Variants in SLC16A2 observed in about 807,000 individuals in gnomAD.
SLC16A2 encodes the protein solute carrier family 16 member 2, also known as monocarboxylate transporter 8.
Under a neutral mutation model 27.2 loss-of-function variants are expected in SLC16A2, and 3 were observed. The ratio of observed to expected loss-of-function variants is 0.11; its 90% CI spans 0.05 to 0.28. The LOEUF is 0.28. Ranked by LOEUF, SLC16A2 falls within the 10% of genes least tolerant of loss-of-function variation. SLC16A2 has a pLI of 1.00. For missense variants in SLC16A2, 295 were observed against 458.5 expected (o/e 0.64, Z 3.26); for synonymous variants, 202 against 187.8 (o/e 1.08, Z -0.62).
intron 1 of SLC16A2, among the ~76,000 whole-genome samples, chrX:74,498,900 T>C (rs4892386): frequency 0.53 from 58,056 of 110,159 alleles, 13,404 homozygotes; most frequent in Non-Finnish European, 0.73. Flanking sequence ...GGTTTTTGCT[T>C]TTGGCTACTG....
chrX:74,447,630 T>A (rs941427337), intron 1 of SLC16A2, among the ~76,000 whole-genome samples: 21 of 108,453 alleles, frequency 1.9e-4, no homozygotes, highest in African/African-American at 7.1e-4. Context: ...AGCTATGAAC[T>A]CACCACTGCA....
intron 1 of SLC16A2, among the ~76,000 whole-genome samples, chrX:74,448,938 A>G (rs1248768981): frequency 9.0e-6 from 1 of 111,271 alleles, no homozygotes; most frequent in Non-Finnish European, 1.9e-5. Flanking sequence ...TTGTTCCTTC[A>G]TGCCCGCATC....
chrX:74,460,886 C>T (rs927996058), intron 1 of SLC16A2, among the ~76,000 whole-genome samples: 2 of 111,139 alleles, frequency 1.8e-5, no homozygotes, highest in Admixed American at 1.9e-4. Context: ...CTCCTGACCT[C>T]GTGATCCACC....
chrX:74,422,615 T>C (rs896456873), intron 1 of SLC16A2, among the ~76,000 whole-genome samples: 1 of 111,183 alleles, frequency 9.0e-6, no homozygotes, highest in Non-Finnish European at 1.9e-5. Flanking sequence ...GTCAAACACA[T>C]GGCAGGCGTG....
intron 1 of SLC16A2, among the ~76,000 whole-genome samples, chrX:74,435,478 G>A (rs1305272666): frequency 4.6e-5 from 2 of 43,226 alleles, no homozygotes; most frequent in Non-Finnish European, 1.2e-4. Context: ...CTGGACAAAA[G>A]AGCAAGATCC....
At chrX:74,493,794 T>C (rs764261543) in intron 1 of SLC16A2, among the ~76,000 whole-genome samples, 10 of 111,495 alleles carry the variant, frequency 9.0e-5, no homozygotes, top group East Asian at 2.9e-4. Flanking sequence ...ATTCCCTCTC[T>C]GTCTCTCTGG....
intron 1 of SLC16A2, among the ~76,000 whole-genome samples, chrX:74,444,857 G>A (rs921975337): frequency 8.9e-6 from 1 of 111,856 alleles, no homozygotes; most frequent in Non-Finnish European, 1.9e-5. Context: ...TCCACTGTTT[G>A]CTGTAAAGAC....
At chrX:74,432,060 G>A (rs1484744877) in intron 1 of SLC16A2, among the ~76,000 whole-genome samples, 1 of 111,674 alleles carries the variant, frequency 9.0e-6, no homozygotes, top group African/African-American at 3.3e-5. Context: ...AGCAAGGCAT[G>A]TTGAAATATT....
intron 1 of SLC16A2, among the ~76,000 whole-genome samples, chrX:74,443,408 C>T (rs1460701312): frequency 2.7e-5 from 3 of 111,770 alleles, no homozygotes; most frequent in Non-Finnish European, 3.8e-5. Flanking sequence ...CGAGCAGCCT[C>T]GGGTCCCTTG....
chrX:74,473,087 G>A, intron 1 of SLC16A2: 1 of 542,548 alleles, frequency 1.8e-6, no homozygotes, highest in Non-Finnish European at 3.3e-6. Flanking sequence ...TTTGTGGTTT[G>A]GCAAAGAATT....
chrX:74,456,284 G>T (rs1929040196), intron 1 of SLC16A2, among the ~76,000 whole-genome samples: 1 of 111,558 alleles, frequency 9.0e-6, no homozygotes, highest in African/African-American at 3.3e-5. Context: ...AGTCCAGTGT[G>T]TGGGCCAAGA....
At chrX:74,445,490 C>T (rs889309579) in intron 1 of SLC16A2, among the ~76,000 whole-genome samples, 2 of 108,099 alleles carry the variant, frequency 1.9e-5, no homozygotes, top group African/African-American at 3.4e-5. Flanking sequence ...AGAACGATGT[C>T]TCATGTCTGT....
chrX:74,451,088 AAACTT>A (rs1214821098), intron 1 of SLC16A2, among the ~76,000 whole-genome samples: 3 of 111,860 alleles, frequency 2.7e-5, no homozygotes, highest in Non-Finnish European at 5.6e-5. Context: ...CTTTTTAAAA[AAACTT>A]AAAATGACAT....
intron 1 of SLC16A2, among the ~76,000 whole-genome samples, chrX:74,493,494 C>T (rs1381728423): frequency 8.9e-5 from 10 of 112,102 alleles, no homozygotes; most frequent in African/African-American, 3.2e-4. Flanking sequence ...GGCCACTGTG[C>T]AGTGCCAGAG....
intron 1 of SLC16A2, among the ~76,000 whole-genome samples, chrX:74,433,232 C>T (rs1031255141): frequency 1.0e-4 from 11 of 110,338 alleles, no homozygotes; most frequent in African/African-American, 3.0e-4. Context: ...ATTAGCTGGG[C>T]GCAGTGGTGT....
In SLC16A2 at chrX:74,520,933, C is replaced by A. The variant is rs1930395932; in HGVS notation, c.431-57C>A. 5.2e-6 allele frequency: 6 copies of A among 1,164,638 alleles called. No homozygotes were observed. In the Admixed American group the frequency reaches 1.1e-4, roughly 21 times the overall value. On this transcript the variant is annotated intron_variant, in intron 1 of 5. Coordinates refer to ENST00000587091, the MANE Select transcript of SLC16A2 (RefSeq NM_006517.5). ...CAGAGAAGAAGAGCTGAGATACCAG[C>A]AGTACCACCAGGCACTACACTAAGC...
intron 1 of SLC16A2, chrX:74,476,909 T>A (rs1441601988): frequency 2.7e-5 from 3 of 112,089 alleles, no homozygotes; most frequent in Non-Finnish European, 5.6e-5. Context: ...TTTGCATCGA[T>A]GTTCATCAAG....
intron 1 of SLC16A2, among the ~76,000 whole-genome samples, chrX:74,422,847 C>T (rs1049318875): frequency 8.9e-6 from 1 of 112,724 alleles, no homozygotes; most frequent in African/African-American, 3.2e-5. Flanking sequence ...CTGGGCCCTG[C>T]TGCTCACTCC....
At chrX:74,493,634 G>A (rs1309093485) in intron 1 of SLC16A2, among the ~76,000 whole-genome samples, 2 of 112,250 alleles carry the variant, frequency 1.8e-5, no homozygotes, top group Non-Finnish European at 3.8e-5. Flanking sequence ...TTCATTTGAC[G>A]AGCTGCTTTC....
Sources: allele counts gnomAD v4.1 joint callset (sites outside exome capture counted in the v4.1 genomes callset), GRCh38; gene constraint gnomAD v4.1.1; transcripts MANE v1.5; gene names NCBI Gene and HGNC (gene_info 2026-07-23, HGNC 2026-07-21).